Variants in SLC6A5 observed in about 807,000 individuals in gnomAD.
SLC6A5 encodes the protein solute carrier family 6 member 5.
A neutral mutation model predicts 90.5 loss-of-function variants in SLC6A5; 58 were observed. The ratio of observed to expected loss-of-function variants is 0.64; its 90% CI spans 0.52 to 0.80. The LOEUF (loss-of-function observed/expected upper bound fraction) is 0.80. Among genes scored for constraint, SLC6A5 ranks in the 30% least tolerant of loss-of-function variants. The pLI, the probability that SLC6A5 is intolerant of heterozygous loss-of-function variation, is 0.00. For synonymous variants in SLC6A5, 427 were observed against 401.4 expected (o/e 1.06, Z -0.76); for missense variants, 1,015 against 1,017.6 (o/e 1.00, Z 0.03).
intron 13 of SLC6A5, among the ~76,000 whole-genome samples, 174 bp from the exon 14 acceptor site, chr11:20,646,660 T>C (rs564384602): frequency 6.6e-6 from 1 of 152,314 alleles, no homozygotes; most frequent in Non-Finnish European, 1.5e-5. Flanking sequence ...TTAATCTTCC[T>C]GGCAGCGAGT....
intron 5 of SLC6A5, among the ~76,000 whole-genome samples, chr11:20,610,438 C>T (rs1419354561): frequency 6.6e-6 from 1 of 152,218 alleles, no homozygotes; most frequent in African/African-American, 2.4e-5. Flanking sequence ...CATCCAGAGA[C>T]GCTCTCTAGT....
intron 13 of SLC6A5, 143 bp downstream of exon 13, chr11:20,638,701 G>A (rs1449304589): frequency 4.3e-6 from 3 of 696,422 alleles, no homozygotes; most frequent in Admixed American, 1.9e-5. Flanking sequence ...CTGCACTTTT[G>A]TTTCTAAACT....
Position 20,607,145 on chromosome 11 carries a change from C to G in SLC6A5, c.811+7C>G. 6.2e-7 allele frequency: 1 copy of G among 1,609,234 alleles called. No homozygotes were observed. Among genetic ancestry groups the G allele is most frequent in the Non-Finnish European group, 8.5e-7 (1 of 1,177,710 alleles). On this transcript the variant is annotated splice_region_variant and intron_variant, in intron 4 of 15. Coordinates refer to ENST00000525748, the MANE Select transcript of SLC6A5 (RefSeq NM_004211.5). ...GCCATCCCAGCTCTACAAGGTGAGT[C>G]CAGCCTGCCGCTCAGCCTCCTCAGG...
chr11:20,607,138 G>C lies in SLC6A5; in HGVS notation c.811G>C (p.Gly271Arg), dbSNP rs771680516. The C allele has an allele frequency of 6.2e-6, 10 of 1,612,322 alleles. No individual in the cohort carries two copies. The highest frequency in any genetic ancestry group is 7.6e-6 in the Non-Finnish European group (9 of 1,179,248). Residue 271 changes from glycine (G) to arginine (R), a missense_variant and splice_region_variant, in exon 4 of 16, where the codon GGC (glycine) becomes CGC (arginine). By Grantham distance (125) the Gly-to-Arg change is moderately radical. Around this residue, in one of 3 missense-constraint regions of SLC6A5, gnomAD observed 567 missense variants for 507.3 expected, o/e 1.12. Transcript: ENST00000525748. ...GTGGAAGGCCATCCCAGCTCTACAA[G>C]GTGAGTCCAGCCTGCCGCTCAGCCT... ...SVWKAIPALQGCGIAMLIISV... is the reference protein window; with the variant it reads ...SVWKAIPALQRCGIAMLIISV...
At chr11:20,647,063 T>G in intron 14 of SLC6A5, 129 bp downstream of exon 14, 2 of 735,384 alleles carry the variant, frequency 2.7e-6, no homozygotes, top group East Asian at 5.2e-5. Context: ...GGTTGGGTGG[T>G]GGTCTTGTCT....
Position 20,604,438 on chromosome 11 carries a change from G to T in SLC6A5, c.679+14G>T, listed in dbSNP as rs1193582051. The T allele has an allele frequency of 4.3e-6, 7 of 1,612,450 alleles. No individual in the cohort carries two copies. Among genetic ancestry groups the T allele is most frequent in the Admixed American group, 1.7e-5 (1 of 59,972 alleles). ...AGAACGGGGGAGGTATGGCTTTTCC[G>T]CTCTTTCCGCCTGCGGCGGGGCGGG... On this transcript the variant is annotated intron_variant, in intron 3 of 15. Coordinates refer to ENST00000525748, the MANE Select transcript of SLC6A5 (RefSeq NM_004211.5).
rs915817879 is a variant in SLC6A5 at position 20,657,847 on chromosome 11, T to A, written c.*2979T>A. 6.6e-6 allele frequency: 1 copy of A among 152,362 alleles called. No individual in the cohort carries two copies. The highest frequency in any genetic ancestry group is 1.5e-5 in the Non-Finnish European group (1 of 68,034). The allele number at this position is 152,362 out of a possible 1,614,324, so 9.4% of individuals were successfully genotyped here. A position where few individuals can be genotyped will look rare whatever the true frequency, so the allele number is the denominator to read the frequency against. ...GGTGTTGTGACTTCTTATGCAAATG[T>A]CTTGCATATTAGTAACTTTTATTAT... On this transcript the variant is annotated 3_prime_UTR_variant, in exon 16 of 16. Transcript: ENST00000525748.
intron 7 of SLC6A5, among the ~76,000 whole-genome samples, chr11:20,621,828 G>A (rs556865602): frequency 1.6e-4 from 24 of 152,336 alleles, no homozygotes; most frequent in African/African-American, 5.3e-4. Context: ...CTCTGAGACA[G>A]GTCTTCCTAT....
chr11:20,616,951 C>T (rs1020997240), intron 6 of SLC6A5, among the ~76,000 whole-genome samples: 1 of 152,244 alleles, frequency 6.6e-6, no homozygotes, highest in African/African-American at 2.4e-5. Context: ...ACAAACACAG[C>T]AGTTTTACAG....
intron 2 of SLC6A5, 55 bp downstream of exon 2, chr11:20,601,720 G>A (rs950001036): frequency 1.3e-6 from 2 of 1,536,588 alleles, no homozygotes; most frequent in Admixed American, 3.9e-5. Context: ...CTGCGCGAGA[G>A]AGGCCAGCCG....
At chr11:20,625,678 C>T (rs187940679) in intron 7 of SLC6A5, among the ~76,000 whole-genome samples, 1 of 152,274 alleles carries the variant, frequency 6.6e-6, no homozygotes, top group East Asian at 1.9e-4. Context: ...AGCCCCCCAC[C>T]CCCTACTCTT....
At chr11:20,635,361 GACTGA>G (rs1017169195) in intron 10 of SLC6A5, among the ~76,000 whole-genome samples, 20 of 152,092 alleles carry the variant, frequency 1.3e-4, no homozygotes, top group African/African-American at 4.6e-4. Context: ...AACCCTTAGA[GACTGA>G]ACCCTCTTAA....
chr11:20,630,000 G>A (rs1008897128), intron 9 of SLC6A5, among the ~76,000 whole-genome samples: 3 of 152,136 alleles, frequency 2.0e-5, no homozygotes, highest in Non-Finnish European at 4.4e-5. Flanking sequence ...CGGGATTACA[G>A]GTATGAGCCA....
chr11:20,617,056 GGCTGC>G (rs1356648787), intron 6 of SLC6A5, among the ~76,000 whole-genome samples: 31 of 152,156 alleles, frequency 2.0e-4, no homozygotes, highest in Admixed American at 2.0e-4. Flanking sequence ...TCAGGGGTGG[GGCTGC>G]CCTGCTAGCC....
intron 10 of SLC6A5, 25 bp downstream of exon 10, chr11:20,630,840 GT>G: frequency 6.2e-7 from 1 of 1,612,532 alleles, no homozygotes; most frequent in African/African-American, 1.3e-5. Context: ...TTACCCTGCT[GT>G]TGCAGGGCAG....
chr11:20,651,084 C>T (rs1853522285), intron 14 of SLC6A5, among the ~76,000 whole-genome samples: 1 of 152,164 alleles, frequency 6.6e-6, no homozygotes, highest in African/African-American at 2.4e-5. Context: ...CTCTGTGTCT[C>T]ACTCAGCCAG....
chr11:20,600,477 C>G (rs975797315), intron 1 of SLC6A5, among the ~76,000 whole-genome samples: 1 of 151,990 alleles, frequency 6.6e-6, no homozygotes, highest in East Asian at 1.9e-4. Context: ...GAAGTGAATA[C>G]GAGTTGTGTA....
intron 7 of SLC6A5, among the ~76,000 whole-genome samples, chr11:20,619,485 G>T (rs1315741367): frequency 2.6e-5 from 4 of 152,194 alleles, no homozygotes; most frequent in Non-Finnish European, 5.9e-5. Flanking sequence ...GGAGAATCAG[G>T]TCAGCTAGAG....
intron 10 of SLC6A5, 107 bp downstream of exon 10, chr11:20,630,922 G>A (rs1853098035): frequency 3.1e-6 from 4 of 1,292,142 alleles, no homozygotes; most frequent in Middle Eastern, 2.0e-4. Flanking sequence ...ACAGGATAGA[G>A]GGTGGAGGAG....
Sources: gnomAD v4.1 joint callset for allele counts (sites outside exome capture counted in the v4.1 genomes callset) on GRCh38, gnomAD v4.1.1 for gene constraint, gnomAD v4.1.1 regional missense constraint, MANE v1.5 for transcripts, NCBI Gene and HGNC (gene_info 2026-07-23, HGNC 2026-07-21) for gene names.